BCR: variants seen among roughly 807,000 people sequenced by gnomAD.
BCR encodes the protein breakpoint cluster region protein.
Under a neutral mutation model 138.6 loss-of-function variants are expected in BCR, and 58 were observed. The observed-to-expected ratio is 0.42, with a 90% CI of 0.34 to 0.52. The LOEUF (loss-of-function observed/expected upper bound fraction) is 0.52, where lower values mean the gene tolerates loss of function less well. BCR is among the 20% of genes least tolerant of loss of function. The pLI is 0.06. For synonymous variants in BCR, 786 were observed against 730.1 expected (o/e 1.08, Z -1.23); for missense variants, 1,599 against 1,727.2 (o/e 0.93, Z 1.32).
chr22:23,220,048 A>G (rs979958938), intron 1 of BCR, among the ~76,000 whole-genome samples: 3 of 152,160 alleles, frequency 2.0e-5, no homozygotes, highest in Middle Eastern at 3.2e-3. Flanking sequence ...GTGTGGCTGC[A>G]CAGAGGGGAG....
At chr22:23,220,011 C>T (rs1027018111) in intron 1 of BCR, among the ~76,000 whole-genome samples, 4 of 152,202 alleles carry the variant, frequency 2.6e-5, no homozygotes, top group Non-Finnish European at 5.9e-5. Context: ...TCGAAGGACA[C>T]GGCCCCTTGG....
chr22:23,313,230 C>T (rs2074028053), intron 20 of BCR, among the ~76,000 whole-genome samples: 1 of 152,338 alleles, frequency 6.6e-6, no homozygotes, highest in East Asian at 1.9e-4. Flanking sequence ...TGTCCCTACT[C>T]CTCAAGGAGA....
At chr22:23,307,250 C>T (rs1347814486) in intron 16 of BCR, among the ~76,000 whole-genome samples, 1 of 151,798 alleles carries the variant, frequency 6.6e-6, no homozygotes, top group Admixed American at 6.6e-5. Flanking sequence ...CACATGCCAC[C>T]ATGCTTGGCT....
At chr22:23,288,855 T>C (rs1026084443) in intron 12 of BCR, among the ~76,000 whole-genome samples, 1 of 152,182 alleles carries the variant, frequency 6.6e-6, no homozygotes, top group African/African-American at 2.4e-5. Context: ...GTTCCCTCCT[T>C]GGAGGTTTGG....
chr22:23,181,484 C>T lies in BCR; in HGVS notation c.524C>T (p.Pro175Leu), dbSNP rs763165245. The T allele has an allele frequency of 3.7e-6, 6 of 1,611,416 alleles. No homozygotes were observed. Among genetic ancestry groups the T allele is most frequent in the East Asian group, 4.5e-5 (2 of 44,804 alleles). ...CAGCCCGGGGCGGACGCCGAGAAGCCCTTCTACGTGAACGTCGAGTTTCAC... is the reference window on the plus strand; with the variant it reads ...CAGCCCGGGGCGGACGCCGAGAAGCTCTTCTACGTGAACGTCGAGTTTCAC... ...HGQPGADAEK[P>L]FYVNVEFHHE... The change falls in exon 1 of 23, where the codon CCC becomes CTC. Residue 175 changes from proline to leucine, a missense_variant. This residue lies in a region of BCR where 806 missense variants were observed against 635.0 expected (regional missense o/e 1.27). Coordinates refer to ENST00000305877, the MANE Select transcript of BCR (RefSeq NM_004327.4).
chr22:23,268,607 T>G (rs2073473297), intron 5 of BCR, 92 bp downstream of exon 5: 2 of 1,118,220 alleles, frequency 1.8e-6, no homozygotes, highest in Non-Finnish European at 1.3e-6. Context: ...CAGATCAAGA[T>G]CTGGTCGTGA....
chr22:23,278,573 A>C (rs2073605976), intron 8 of BCR, among the ~76,000 whole-genome samples: 2 of 152,156 alleles, frequency 1.3e-5, no homozygotes. Context: ...CTAAAAATGC[A>C]AAAATTAGCC....
chr22:23,249,310 T>G (rs1414924735), intron 1 of BCR, among the ~76,000 whole-genome samples: 1 of 151,572 alleles, frequency 6.6e-6, no homozygotes, highest in Non-Finnish European at 1.5e-5. Context: ...CGCACGCCTG[T>G]AGTCCCAGCT....
chr22:23,287,427 C>G, intron 11 of BCR, 149 bp downstream of exon 11: 2 of 1,327,968 alleles, frequency 1.5e-6, no homozygotes, highest in Non-Finnish European at 2.0e-6. Context: ...ATTCCTTTGT[C>G]TGGGGCTTTG....
At chr22:23,275,239 T>C (rs1446860576) in intron 8 of BCR, among the ~76,000 whole-genome samples, 1 of 152,214 alleles carries the variant, frequency 6.6e-6, no homozygotes, top group Non-Finnish European at 1.5e-5. Context: ...GTCCCTTCCA[T>C]TCCGCTCTCC....
chr22:23,233,441 A>G (rs572299549), intron 1 of BCR, among the ~76,000 whole-genome samples: 4 of 152,122 alleles, frequency 2.6e-5, no homozygotes, highest in African/African-American at 9.7e-5. Flanking sequence ...TATGTGTAAA[A>G]TGCCTGGCTC....
At chr22:23,206,725 A>G (rs1411757734) in intron 1 of BCR, among the ~76,000 whole-genome samples, 4 of 152,202 alleles carry the variant, frequency 2.6e-5, no homozygotes, top group African/African-American at 9.7e-5. Flanking sequence ...TCCTAGCAGC[A>G]GATGTTCCTG....
At chr22:23,309,151 C>T (rs566298391) in intron 16 of BCR, among the ~76,000 whole-genome samples, 24 of 152,300 alleles carry the variant, frequency 1.6e-4, no homozygotes, top group Admixed American at 1.2e-3. Flanking sequence ...AGCCTGCCAG[C>T]CTGCACATCA....
intron 1 of BCR, among the ~76,000 whole-genome samples, chr22:23,193,428 ATAGAGTC>A (rs1470347550): frequency 6.6e-6 from 1 of 152,252 alleles, no homozygotes. Flanking sequence ...GTCTGGTCTC[ATAGAGTC>A]TCCTGTTCAT....
chr22:23,242,022 G>A (rs1246295675), intron 1 of BCR, among the ~76,000 whole-genome samples: 1 of 152,136 alleles, frequency 6.6e-6, no homozygotes, highest in Non-Finnish European at 1.5e-5. Context: ...TTAGCTCTTA[G>A]TGGCCTCTGG....
At chr22:23,233,721 C>T (rs1462610085) in intron 1 of BCR, among the ~76,000 whole-genome samples, 1 of 146,426 alleles carries the variant, frequency 6.8e-6, no homozygotes, top group Non-Finnish European at 1.5e-5. Flanking sequence ...ACCCAGGAGT[C>T]GGGGGTTGTT....
intron 1 of BCR, among the ~76,000 whole-genome samples, chr22:23,236,665 A>G (rs2073029061): frequency 6.6e-6 from 1 of 152,196 alleles, no homozygotes; most frequent in South Asian, 2.1e-4. Context: ...CACCTGTTAG[A>G]TGTCTGCTGT....
At chr22:23,307,217 T>G (rs1376908230) in intron 16 of BCR, among the ~76,000 whole-genome samples, 2 of 152,136 alleles carry the variant, frequency 1.3e-5, no homozygotes, top group African/African-American at 4.8e-5. Context: ...CACCTCAGCC[T>G]CCCGAGCAGT....
rs564426171 is a variant in BCR, at chr22:23,316,522, G to C, written c.*1000G>C. The C allele has an allele frequency of 5.5e-6, 1 of 182,252 alleles. No homozygotes were observed. The highest frequency in any genetic ancestry group is 1.2e-5 in the Non-Finnish European group (1 of 85,520). The allele number at this position is 182,252 out of a possible 1,614,324, so 11.3% of individuals were successfully genotyped here. On this transcript the variant is annotated 3_prime_UTR_variant, in exon 23 of 23. Transcript: ENST00000305877. ...CCTTTTGATACTTGAATATTTGTAA[G>C]TTTTATACATAGTTTCTAATTTTTT... is the stretch of plus-strand genomic sequence containing the variant.
Sources: allele counts gnomAD v4.1 joint callset (sites outside exome capture counted in the v4.1 genomes callset), GRCh38; gene constraint gnomAD v4.1.1; regional missense constraint gnomAD v4.1.1; transcripts MANE v1.5; gene names NCBI Gene and HGNC (gene_info 2026-07-23, HGNC 2026-07-21).